BRWD3: variants seen among roughly 807,000 people sequenced by gnomAD.
BRWD3 encodes the protein bromodomain and WD repeat domain containing 3, also known as bromodomain and WD repeat-containing protein 3.
A neutral mutation model predicts 149.7 loss-of-function variants in BRWD3; 10 were observed. The ratio of observed to expected loss-of-function variants is 0.07; its 90% confidence interval spans 0.04 to 0.11. The LOEUF is 0.11. BRWD3 is among the 10% of genes least tolerant of loss of function. The probability of loss-of-function intolerance (pLI) is 1.00; values close to 1 mark genes in which losing one functional copy is unlikely to be tolerated. For synonymous variants in BRWD3, 504 were observed against 456.7 expected (o/e 1.10, Z -1.32); for missense variants, 940 against 1,373.2 (o/e 0.68, Z 4.99).
intron 8 of BRWD3, among the ~76,000 whole-genome samples, chrX:80,743,021 T>C (rs1342558288): frequency 8.9e-6 from 1 of 111,789 alleles, no homozygotes; most frequent in Non-Finnish European, 1.9e-5. Context: ...AGTGTGATAT[T>C]GGCTGTGGGT....
intron 12 of BRWD3, among the ~76,000 whole-genome samples, 162 bp from the exon 13 acceptor site, chrX:80,730,182 T>TA (rs1424053713): frequency 1.8e-5 from 2 of 109,921 alleles, no homozygotes; most frequent in African/African-American, 6.6e-5. Context: ...ATGTTAAACA[T>TA]AGAGTTATCA....
chrX:80,761,533 A>T (rs1470561882), intron 6 of BRWD3, among the ~76,000 whole-genome samples: 2 of 111,947 alleles, frequency 1.8e-5, no homozygotes, highest in African/African-American at 3.2e-5. Flanking sequence ...TACTAAACTT[A>T]AGGTTTAATA....
chrX:80,698,871 T>C (rs1287257416), intron 25 of BRWD3, among the ~76,000 whole-genome samples: 1 of 110,966 alleles, frequency 9.0e-6, no homozygotes, highest in Non-Finnish European at 1.9e-5. Flanking sequence ...CTGATGACAT[T>C]AATAAAAAGT....
intron 30 of BRWD3, 31 bp downstream of exon 30, chrX:80,691,792 T>C: frequency 8.3e-7 from 1 of 1,209,416 alleles, no homozygotes; most frequent in Non-Finnish European, 1.1e-6. Context: ...CTCTCTTGCA[T>C]GCTCCTAAAA....
intron 36 of BRWD3, among the ~76,000 whole-genome samples, chrX:80,685,099 T>G (rs889185768): frequency 4.5e-5 from 5 of 111,804 alleles, no homozygotes; most frequent in Admixed American, 3.8e-4. Context: ...TTAGAACTTG[T>G]GTAGTATGAT....
chrX:80,712,283 T>C (rs965451769), intron 20 of BRWD3, among the ~76,000 whole-genome samples: 50 of 110,924 alleles, frequency 4.5e-4, no homozygotes, highest in Admixed American at 3.1e-3. Context: ...CGAGTGCCTG[T>C]GATTGCAGGC....
chrX:80,688,163 T>TTTTGACGAAAGTCAAAAG (rs780553087), intron 33 of BRWD3, 38 bp from the exon 34 acceptor site: 17 of 1,051,910 alleles, frequency 1.6e-5, no homozygotes, highest in Non-Finnish European at 2.3e-5. Context: ...GACGTTAAGT[T>TTTTGACGAAAGTCAAAAG]ACATTCAAAG....
At chrX:80,753,279 T>G (rs1230860493) in intron 6 of BRWD3, among the ~76,000 whole-genome samples, 1 of 108,618 alleles carries the variant, frequency 9.2e-6, no homozygotes, top group Non-Finnish European at 1.9e-5. Context: ...TCAGTTTTTT[T>G]TTTTTTTTTT....
intron 6 of BRWD3, chrX:80,746,820 C>G (rs1416044849): frequency 1.3e-6 from 1 of 745,136 alleles, no homozygotes; most frequent in African/African-American, 2.3e-5. Flanking sequence ...CAACATCTCA[C>G]AATTTTAAGA....
chrX:80,743,282 G>A (rs1317399107), intron 8 of BRWD3, among the ~76,000 whole-genome samples: 1 of 111,813 alleles, frequency 8.9e-6, no homozygotes, highest in Non-Finnish European at 1.9e-5. Context: ...TTGATGTGCT[G>A]CTGGATTTGG....
chrX:80,809,360 C>G lies in BRWD3; in HGVS notation c.32-56G>C, dbSNP rs570446997. On this transcript the variant is annotated intron_variant, in intron 1 of 40. Transcript: ENST00000373275. ...GGGAGGTAGAGAAGAGAAATAGAAG[C>G]TTTTTCAAAAGAAACTGACAGCCTT... The G allele has an allele frequency of 1.1e-4, 127 of 1,155,353 alleles. No homozygotes were observed. The South Asian group carries it at 2.2e-3, about 20-fold the overall frequency.
intron 6 of BRWD3, among the ~76,000 whole-genome samples, chrX:80,772,563 G>A (rs762268989): frequency 1.8e-4 from 20 of 110,045 alleles, no homozygotes; most frequent in African/African-American, 6.3e-4. Flanking sequence ...CCATGTATAC[G>A]TATGTAACAA....
At chrX:80,710,702 A>G in intron 20 of BRWD3, 2 of 788,476 alleles carry the variant, frequency 2.5e-6, no homozygotes, top group Non-Finnish European at 3.8e-6. Flanking sequence ...AACCAATGGA[A>G]CATTAAGTGA....
At chrX:80,791,680 A>G (rs1431404421) in intron 6 of BRWD3, among the ~76,000 whole-genome samples, 174 bp downstream of exon 6, 1 of 112,186 alleles carries the variant, frequency 8.9e-6, no homozygotes, top group Non-Finnish European at 1.9e-5. Context: ...AAAACATTGT[A>G]TTTGCTTTAA....
chrX:80,708,327 T>G (rs1309965323), intron 21 of BRWD3, among the ~76,000 whole-genome samples: 16 of 108,901 alleles, frequency 1.5e-4, no homozygotes, highest in African/African-American at 5.4e-4. Context: ...ACTTGGGAGG[T>G]GGAGGCTGTA....
chrX:80,720,532 CAA>C (rs1376864638), intron 17 of BRWD3, among the ~76,000 whole-genome samples: 1 of 110,054 alleles, frequency 9.1e-6, no homozygotes, highest in African/African-American at 3.3e-5. Flanking sequence ...AGTATTACTA[CAA>C]AAGAGTCGAA....
rs777422768 is a variant in BRWD3 at position 80,670,849 on chromosome X, T to C, written c.*5760A>G. On this transcript the variant is annotated 3_prime_UTR_variant, in exon 41 of 41. Coordinates refer to ENST00000373275, the MANE Select transcript of BRWD3 (RefSeq NM_153252.5). ...ATCTCTGAATATTGTAAAAAATCAG[T>C]CTACTTTTTTCCTAAATGCATTTTT... 4 of 111,458 alleles carry C rather than the reference T, an allele frequency of 3.6e-5. No homozygotes were observed. The highest frequency in any genetic ancestry group is 5.7e-5 in the Non-Finnish European group (3 of 53,087). 9.2% of individuals were successfully genotyped at this position (111,458 alleles called of 1,213,427 possible).
At chrX:80,685,932 A>G (rs1393307883) in intron 35 of BRWD3, among the ~76,000 whole-genome samples, 1 of 111,592 alleles carries the variant, frequency 9.0e-6, no homozygotes, top group Non-Finnish European at 1.9e-5. Context: ...TACTACTTCA[A>G]TGAATAGATA....
chrX:80,734,439 A>T (rs1319418034), intron 10 of BRWD3, among the ~76,000 whole-genome samples: 1 of 111,835 alleles, frequency 8.9e-6, no homozygotes, highest in East Asian at 2.8e-4. Flanking sequence ...CAGGCCGCCT[A>T]TGATCATAAA....
Sources: allele counts gnomAD v4.1 joint callset (sites outside exome capture counted in the v4.1 genomes callset), GRCh38; gene constraint gnomAD v4.1.1; transcripts MANE v1.5; gene names NCBI Gene and HGNC (gene_info 2026-07-23, HGNC 2026-07-21).